The following PARD3B variants were observed in gnomAD, a reference collection of about 807,000 sequenced individuals.
PARD3B encodes par-3 family cell polarity regulator beta, also known as partitioning defective 3 homolog B.
PARD3B carries 103 observed loss-of-function variants against 130.2 expected under a neutral mutation model. That is an observed-to-expected ratio of 0.79 (90% CI 0.67 to 0.93). The LOEUF (loss-of-function observed/expected upper bound fraction) is 0.93, where lower values mean the gene tolerates loss of function less well. Ranked by LOEUF, PARD3B falls within the 40% of genes least tolerant of loss-of-function variation. The pLI, the probability that PARD3B is intolerant of heterozygous loss-of-function variation, is 0.00. For missense variants in PARD3B, 1,609 were observed against 1,499.2 expected (o/e 1.07, Z -1.21); for synonymous variants, 583 against 553.2 (o/e 1.05, Z -0.76).
intron 3 of PARD3B, among the ~76,000 whole-genome samples, chr2:204,999,581 G>A (rs1694653716): frequency 6.6e-6 from 1 of 152,148 alleles, no homozygotes; most frequent in Non-Finnish European, 1.5e-5. Flanking sequence ...CGTTTTCCCT[G>A]TGATGTTTAA....
chr2:205,349,827 A>G (rs2043931692), intron 18 of PARD3B, among the ~76,000 whole-genome samples: 1 of 145,190 alleles, frequency 6.9e-6, no homozygotes, highest in Admixed American at 7.0e-5. Context: ...TTTTAAAAAA[A>G]GAGGAAGCAA....
chr2:205,121,016 T>C lies in PARD3B; in HGVS notation c.807-575T>C, dbSNP rs978392303. Among the ~76,000 whole-genome samples the C allele has an allele frequency of 6.6e-5, 10 of 152,210 alleles. No individual in the cohort carries two copies. The highest frequency in any genetic ancestry group is 2.2e-4 in the African/African-American group (9 of 41,450). ...GTGAGAGTAACAGGAAGGGTGCATG[T>C]TGGATTGAAATTCCACTGAGACATT... On this transcript the variant is annotated intron_variant, in intron 7 of 22. Coordinates refer to ENST00000406610, the MANE Select transcript of PARD3B (RefSeq NM_001302769.2). The surrounding 1 kb of genome is among the most constrained non-coding windows in gnomAD (Gnocchi z 5.0).
At chr2:205,272,889 A>G (rs779173624) in intron 16 of PARD3B, among the ~76,000 whole-genome samples, 12 of 152,234 alleles carry the variant, frequency 7.9e-5, no homozygotes, top group Non-Finnish European at 1.5e-4. Context: ...AATATTTTTA[A>G]CTAGTCAGGT....
chr2:205,160,388 G>C lies in PARD3B; in HGVS notation c.1620+1481G>C, dbSNP rs555043800. Reference sequence around the variant, plus strand: ...TGGATCAGCAGGCTAGCTGGCGCATGTCCCTCTCATGCCTCGAGCTGTCAG... The same window carrying C: ...TGGATCAGCAGGCTAGCTGGCGCATCTCCCTCTCATGCCTCGAGCTGTCAG... On this transcript the variant is annotated intron_variant, in intron 11 of 22. Coordinates refer to ENST00000406610, the MANE Select transcript of PARD3B (RefSeq NM_001302769.2). This position sits in a 1 kb window ranked among gnomAD's most constrained non-coding sequence, Gnocchi z 4.0. 4.3e-4 allele frequency among the ~76,000 whole-genome samples: 65 copies of C among 152,254 alleles called. No homozygotes were observed. The South Asian group carries it at 0.013, about 31-fold the overall frequency.
chr2:205,321,857 T>A lies in PARD3B; in HGVS notation c.2630+20156T>A, dbSNP rs1470757109. 6.6e-6 allele frequency among the ~76,000 whole-genome samples: 1 copy of A among 152,220 alleles called. No individual in the cohort carries two copies. The highest frequency in any genetic ancestry group is 2.4e-5 in the African/African-American group (1 of 41,460). On this transcript the variant is annotated intron_variant, in intron 18 of 22. Coordinates refer to ENST00000406610, the MANE Select transcript of PARD3B (RefSeq NM_001302769.2). This position sits in a 1 kb window ranked among gnomAD's most constrained non-coding sequence, Gnocchi z 4.2. ...AGAGCGAGGTGTACTTCTTTGACAA[T>A]TAATGAAACTTCAGAAGTAAACCTC...
chr2:204,644,459 T>G (rs1039056180), intron 1 of PARD3B, among the ~76,000 whole-genome samples: 2 of 152,178 alleles, frequency 1.3e-5, no homozygotes, highest in African/African-American at 4.8e-5. Flanking sequence ...TGTACCAATA[T>G]AGACTCTTTT....
chr2:205,415,089 T>C (rs951518954), intron 19 of PARD3B, among the ~76,000 whole-genome samples: 4 of 152,166 alleles, frequency 2.6e-5, no homozygotes, highest in African/African-American at 9.6e-5. Context: ...AATGGTCACA[T>C]AAATGAATGC....
At chr2:205,222,659 G>T (rs926375178) in intron 15 of PARD3B, among the ~76,000 whole-genome samples, 51 of 152,160 alleles carry the variant, frequency 3.4e-4, no homozygotes, top group Non-Finnish European at 7.1e-4. Flanking sequence ...CCTTAAGGTA[G>T]CCTGTGCCCC....
chr2:204,836,650 G>T (rs753352023), intron 2 of PARD3B, among the ~76,000 whole-genome samples: 48 of 152,192 alleles, frequency 3.2e-4, no homozygotes, highest in South Asian at 1.5e-3. Context: ...GACAGAGTGA[G>T]ACTCCATCTC....
rs1286528366 is a variant in PARD3B, at chr2:204,967,589, A to G, written c.394+2266A>G. Among the ~76,000 whole-genome samples the G allele has an allele frequency of 6.6e-6, 1 of 152,202 alleles. No individual in the cohort carries two copies. The highest frequency in any genetic ancestry group is 1.5e-5 in the Non-Finnish European group (1 of 68,036). On this transcript the variant is annotated intron_variant, in intron 3 of 22. Transcript: ENST00000406610. The surrounding 1 kb of genome is among the most constrained non-coding windows in gnomAD (Gnocchi z 4.4). ...GGAGAAATTTGGGCAAGGATGAATG[A>G]CGTAAAAAAATCATCCCTTACCCAC...
At chr2:205,406,441 A>T (rs1344465371) in intron 19 of PARD3B, among the ~76,000 whole-genome samples, 1 of 152,130 alleles carries the variant, frequency 6.6e-6, no homozygotes, top group East Asian at 1.9e-4. Flanking sequence ...ATAAGAAGCT[A>T]ATGAAATGAT....
rs1181622838 is a variant in PARD3B at position 205,407,783 on chromosome 2, A to G, written c.2741+6660A>G. Among the ~76,000 whole-genome samples, 1 of 152,214 alleles carries G rather than the reference A, an allele frequency of 6.6e-6. No homozygotes were observed. The highest frequency in any genetic ancestry group is 1.9e-4 in the East Asian group (1 of 5,200). On this transcript the variant is annotated intron_variant, in intron 19 of 22. Coordinates refer to ENST00000406610, the MANE Select transcript of PARD3B (RefSeq NM_001302769.2). The surrounding 1 kb of genome is among the most constrained non-coding windows in gnomAD (Gnocchi z 4.1). ...ATTACTGACCCTGAAATAATACTTC[A>G]GTAAATGAAGTTTTCTCCTAAAATT... is the stretch of plus-strand genomic sequence containing the variant.
chr2:204,920,333 T>C (rs2047623036), intron 2 of PARD3B, among the ~76,000 whole-genome samples: 1 of 152,172 alleles, frequency 6.6e-6, no homozygotes, highest in South Asian at 2.1e-4. Flanking sequence ...ATCAGAAGAT[T>C]CCAATCGGAT....
chr2:205,525,684 G>C lies in PARD3B; in HGVS notation c.3180+25653G>C, dbSNP rs937759642. 6.6e-6 allele frequency among the ~76,000 whole-genome samples: 1 copy of C among 152,116 alleles called. No individual in the cohort carries two copies. Among genetic ancestry groups the C allele is most frequent in the African/African-American group, 2.4e-5 (1 of 41,418 alleles). On this transcript the variant is annotated intron_variant, in intron 21 of 22. Transcript: ENST00000406610. The surrounding 1 kb of genome is among the most constrained non-coding windows in gnomAD (Gnocchi z 4.2). Reference sequence around the variant, plus strand: ...TCTGCAGGTTCAGAACAGTACACATGAGACCCAGCATTATCGAAGGCTTAT... The same window carrying C: ...TCTGCAGGTTCAGAACAGTACACATCAGACCCAGCATTATCGAAGGCTTAT...
intron 4 of PARD3B, among the ~76,000 whole-genome samples, chr2:205,085,565 A>T (rs1701693513): frequency 6.6e-6 from 1 of 152,152 alleles, no homozygotes; most frequent in East Asian, 1.9e-4. Context: ...TATCCATGAT[A>T]TGATTTTTTC....
At chr2:204,810,127 G>C (rs142942701) in intron 2 of PARD3B, among the ~76,000 whole-genome samples, 78 of 152,070 alleles carry the variant, frequency 5.1e-4, no homozygotes, top group African/African-American at 1.8e-3. Flanking sequence ...TTGTTTATCA[G>C]CTGAAGGAGC....
intron 18 of PARD3B, among the ~76,000 whole-genome samples, chr2:205,302,161 T>C (rs939081934): frequency 3.6e-5 from 5 of 139,374 alleles, no homozygotes; most frequent in Admixed American, 2.4e-4. Context: ...CTCCGCCTCC[T>C]GGGTTCAAGC....
intron 1 of PARD3B, among the ~76,000 whole-genome samples, chr2:204,559,483 A>G (rs1000633762): frequency 2.0e-5 from 3 of 152,242 alleles, no homozygotes; most frequent in Non-Finnish European, 4.4e-5. Flanking sequence ...TTAAAACCAC[A>G]GTGAGATACC....
At chr2:205,535,196 TAAC>T (rs995226654) in intron 21 of PARD3B, among the ~76,000 whole-genome samples, 8 of 152,106 alleles carry the variant, frequency 5.3e-5, no homozygotes, top group African/African-American at 1.9e-4. Flanking sequence ...AAAGAGGAAG[TAAC>T]AACAGCCACT....
Sources: gnomAD v4.1 joint callset for allele counts (sites outside exome capture counted in the v4.1 genomes callset) on GRCh38, gnomAD v4.1.1 for gene constraint, Gnocchi (gnomAD v3.1) non-coding constraint, MANE v1.5 for transcripts, NCBI Gene and HGNC (gene_info 2026-07-23, HGNC 2026-07-21) for gene names.